GALNTL6: variants seen among roughly 807,000 people sequenced by gnomAD.
GALNTL6 encodes the protein polypeptide N-acetylgalactosaminyltransferase-like 6.
In GALNTL6, 46 loss-of-function variants were observed where a neutral mutation model predicts 73.7. The observed-to-expected ratio is 0.62, with a 90% CI of 0.49 to 0.80. GALNTL6 has a LOEUF of 0.80. Ranked by LOEUF, GALNTL6 falls within the 30% of genes least tolerant of loss-of-function variation. The pLI, the probability that GALNTL6 is intolerant of heterozygous loss-of-function variation, is 0.00. For missense variants in GALNTL6, 604 were observed against 755.0 expected (o/e 0.80, Z 2.34); for synonymous variants, 259 against 263.7 (o/e 0.98, Z 0.17).
At chr4:172,020,487 T>C (rs79792394) in intron 2 of GALNTL6, among the ~76,000 whole-genome samples, 2,827 of 151,320 alleles carry the variant, frequency 0.019, 71 homozygotes, top group African/African-American at 0.055. Flanking sequence ...ACATGACAAT[T>C]GATACTGTAG....
At chr4:172,604,575 A>T (rs534817617) in intron 5 of GALNTL6, among the ~76,000 whole-genome samples, 21 of 152,332 alleles carry the variant, frequency 1.4e-4, no homozygotes, top group Admixed American at 5.2e-4. Context: ...TTATTGAATG[A>T]TAACAACTAG....
intron 7 of GALNTL6, among the ~76,000 whole-genome samples, chr4:172,814,464 A>T (rs1216245129): frequency 1.3e-5 from 2 of 152,198 alleles, no homozygotes; most frequent in Non-Finnish European, 2.9e-5. Context: ...TTTTTCCAAC[A>T]GTTAGCCCAG....
chr4:172,223,549 G>T (rs921503333), intron 2 of GALNTL6, among the ~76,000 whole-genome samples: 3 of 151,898 alleles, frequency 2.0e-5, no homozygotes, highest in Admixed American at 1.3e-4. Context: ...TAATTTTTTT[G>T]TGTGTGGCTT....
chr4:171,988,932 GT>G lies in GALNTL6; in HGVS notation c.138+174215del, dbSNP rs1227542617. Among the ~76,000 whole-genome samples, 91 of 152,086 alleles carry G rather than the reference GT, an allele frequency of 6.0e-4. No homozygotes were observed. The South Asian group carries it at 0.017, about 29-fold the overall frequency. On this transcript the variant is annotated intron_variant, in intron 2 of 12. Transcript: ENST00000506823. ...AGGAGGCTTTGAACTGGGGGAAAAG[GT>G]GGCAATGAGGTGTGGCTGTAGCCTA...
chr4:172,183,295 C>A (rs920080263), intron 2 of GALNTL6, among the ~76,000 whole-genome samples: 5 of 152,148 alleles, frequency 3.3e-5, no homozygotes, highest in African/African-American at 1.2e-4. Context: ...TCCATTATAT[C>A]TCCATCTTTT....
chr4:172,091,455 G>A (rs1291424169), intron 2 of GALNTL6, among the ~76,000 whole-genome samples: 1 of 152,114 alleles, frequency 6.6e-6, no homozygotes, highest in African/African-American at 2.4e-5. Context: ...GCCAGGAAGT[G>A]ACATTCTTTA....
intron 2 of GALNTL6, among the ~76,000 whole-genome samples, chr4:172,095,717 T>G (rs999892724): frequency 1.3e-5 from 2 of 152,132 alleles, no homozygotes; most frequent in Non-Finnish European, 2.9e-5. Context: ...TTTAAAGGGC[T>G]TATTGCAATC....
At chr4:172,491,684 C>G (rs1347122795) in intron 5 of GALNTL6, among the ~76,000 whole-genome samples, 1 of 152,072 alleles carries the variant, frequency 6.6e-6, no homozygotes, top group African/African-American at 2.4e-5. Flanking sequence ...TAAGGTTTAT[C>G]TTGTAAACAC....
At position 172,506,090 on chromosome 4, in the gene GALNTL6, T is replaced by C. The variant is rs1377778766; in HGVS notation, c.553+157401T>C. Among the ~76,000 whole-genome samples, 4 of 54,046 alleles carry C rather than the reference T, an allele frequency of 7.4e-5. 2 individuals are homozygous for C. Among genetic ancestry groups the C allele is most frequent in the Non-Finnish European group, 8.5e-5 (2 of 23,412 alleles). 35.5% of individuals were successfully genotyped at this position (54,046 alleles called of 152,430 possible). A position where few individuals can be genotyped will look rare whatever the true frequency, so the allele number is the denominator to read the frequency against. On this transcript the variant is annotated intron_variant, in intron 5 of 12. Coordinates refer to ENST00000506823, the MANE Select transcript of GALNTL6 (RefSeq NM_001034845.3). ...TTTGGAGCCTATTGTCCCAGAGTCA[T>C]GTGGACCCTAGATTATAGTTCCCCT...
chr4:172,454,895 T>G (rs1161143899), intron 5 of GALNTL6, among the ~76,000 whole-genome samples: 2 of 152,228 alleles, frequency 1.3e-5, no homozygotes, highest in Non-Finnish European at 2.9e-5. Flanking sequence ...AGGCATTTTT[T>G]TTTAAAGATT....
intron 2 of GALNTL6, among the ~76,000 whole-genome samples, chr4:172,197,123 C>T (rs918691374): frequency 2.0e-5 from 3 of 152,228 alleles, no homozygotes; most frequent in African/African-American, 7.2e-5. Flanking sequence ...GCAAAACTCA[C>T]AAGCATTCCT....
chr4:172,985,980 G>A (rs1751271255), intron 10 of GALNTL6, among the ~76,000 whole-genome samples: 1 of 152,166 alleles, frequency 6.6e-6, no homozygotes, highest in African/African-American at 2.4e-5. Flanking sequence ...AAGAGGAGAG[G>A]GGAGGTTGTT....
At chr4:172,441,941 G>T (rs1002427206) in intron 5 of GALNTL6, among the ~76,000 whole-genome samples, 2 of 152,024 alleles carry the variant, frequency 1.3e-5, no homozygotes, top group African/African-American at 4.8e-5. Flanking sequence ...TTGCAAAGCT[G>T]AAAGCCAAAG....
At chr4:171,979,266 G>A (rs780149544) in intron 2 of GALNTL6, among the ~76,000 whole-genome samples, 16 of 152,008 alleles carry the variant, frequency 1.1e-4, no homozygotes, top group Non-Finnish European at 2.1e-4. Context: ...ATTTACCTTC[G>A]GTGTTTTCCC....
At chr4:172,195,442 A>G (rs1735731475) in intron 2 of GALNTL6, among the ~76,000 whole-genome samples, 1 of 152,212 alleles carries the variant, frequency 6.6e-6, no homozygotes, top group Non-Finnish European at 1.5e-5. Context: ...GACCTGATAG[A>G]TATCTACAGA....
intron 5 of GALNTL6, among the ~76,000 whole-genome samples, chr4:172,687,011 G>A (rs1187198790): frequency 1.3e-5 from 2 of 152,270 alleles, no homozygotes; most frequent in Admixed American, 6.5e-5. Flanking sequence ...GGAAGGGGAC[G>A]AGGCTCTGAG....
intron 5 of GALNTL6, among the ~76,000 whole-genome samples, chr4:172,384,363 T>A (rs144278644): frequency 6.6e-6 from 1 of 152,236 alleles, no homozygotes; most frequent in East Asian, 1.9e-4. Flanking sequence ...TTTGTCCTTT[T>A]AATCTAGGTT....
intron 8 of GALNTL6, among the ~76,000 whole-genome samples, chr4:172,912,412 C>T (rs1289655792): frequency 1.3e-5 from 2 of 152,188 alleles, no homozygotes; most frequent in Admixed American, 6.5e-5. Flanking sequence ...CAAAGCAGGG[C>T]AGGACATCAC....
At chr4:172,103,854 C>G (rs537292007) in intron 2 of GALNTL6, among the ~76,000 whole-genome samples, 10 of 152,316 alleles carry the variant, frequency 6.6e-5, no homozygotes, top group South Asian at 4.1e-4. Flanking sequence ...GCCTGATCCC[C>G]TCTTGGGCCT....
Sources: allele counts gnomAD v4.1 joint callset (sites outside exome capture counted in the v4.1 genomes callset), GRCh38; gene constraint gnomAD v4.1.1; transcripts MANE v1.5; gene names NCBI Gene and HGNC (gene_info 2026-07-23, HGNC 2026-07-21).